Variants in CCDC28A observed in about 807,000 individuals in gnomAD.
The protein encoded by CCDC28A is coiled-coil domain containing 28A.
In CCDC28A, 24 loss-of-function variants were observed where a neutral mutation model predicts 22.1. The ratio of observed to expected loss-of-function variants is 1.09; its 90% CI spans 0.79 to 1.53. The LOEUF is 1.53. Among genes scored for constraint, CCDC28A ranks in the 40% most tolerant of loss-of-function variants. The pLI, the probability that CCDC28A is intolerant of heterozygous loss-of-function variation, is 0.00. For missense variants in CCDC28A, 170 were observed against 210.7 expected, an observed-to-expected ratio of 0.81 and a Z score of 1.20; for synonymous variants, 83 against 74.7, an observed-to-expected ratio of 1.11 and a Z score of -0.57.
At chr6:138,779,049 C>T (rs143501044) in intron 2 of CCDC28A, among the ~76,000 whole-genome samples, 261 of 152,180 alleles carry the variant, frequency 1.7e-3, no homozygotes, top group Admixed American at 0.013. Context: ...ATTATAGGCA[C>T]GAGCCACTGT....
At chr6:138,774,376 C>G in intron 1 of CCDC28A, among the ~76,000 whole-genome samples, 1 of 152,212 alleles carries the variant, frequency 6.6e-6, no homozygotes, top group East Asian at 1.9e-4. Context: ...TTTACAGATC[C>G]TTGCCTCTTC....
At chr6:138,773,998 C>A in intron 1 of CCDC28A, 96 bp downstream of exon 1, 1 of 1,433,866 alleles carries the variant, frequency 7.0e-7, no homozygotes, top group South Asian at 1.2e-5. Context: ...GAAGGGTCAT[C>A]GCTTCGGTAG....
intron 5 of CCDC28A, among the ~76,000 whole-genome samples, chr6:138,789,800 A>C (rs1775144187): frequency 6.6e-6 from 1 of 152,130 alleles, no homozygotes. Flanking sequence ...CATCCTGGGC[A>C]AAAGAAATCA....
At chr6:138,776,554 G>A (rs1774937060) in intron 2 of CCDC28A, among the ~76,000 whole-genome samples, 1 of 152,024 alleles carries the variant, frequency 6.6e-6, no homozygotes, top group Non-Finnish European at 1.5e-5. Flanking sequence ...AGTCAGAAAT[G>A]GGAAAAGTGA....
At chr6:138,781,037 A>G (rs1427297736) in intron 3 of CCDC28A, among the ~76,000 whole-genome samples, 1 of 152,012 alleles carries the variant, frequency 6.6e-6, no homozygotes, top group Non-Finnish European at 1.5e-5. Context: ...TGTTTTTGTT[A>G]CTTAACTTCC....
intron 2 of CCDC28A, among the ~76,000 whole-genome samples, chr6:138,777,124 CTTCT>C (rs1256451310): frequency 1.3e-5 from 2 of 152,162 alleles, no homozygotes; most frequent in Non-Finnish European, 2.9e-5. Flanking sequence ...TAATGTCAAT[CTTCT>C]TTCTAATTAT....
chr6:138,786,977 A>C (rs997299343), intron 4 of CCDC28A, among the ~76,000 whole-genome samples: 3 of 152,174 alleles, frequency 2.0e-5, no homozygotes, highest in African/African-American at 4.8e-5. Context: ...CTTGCTATAC[A>C]TTTAGGAGAA....
At chr6:138,789,431 G>T (rs142980130) in intron 5 of CCDC28A, among the ~76,000 whole-genome samples, 1 of 152,090 alleles carries the variant, frequency 6.6e-6, no homozygotes, top group African/African-American at 2.4e-5. Context: ...GTGATGATGC[G>T]TATGTGAAAA....
chr6:138,779,875 C>G lies in CCDC28A; in HGVS notation c.212C>G (p.Ser71Ter), dbSNP rs200885384. The change falls in exon 3 of 6, where the codon TCA becomes TGA. Residue 71 changes from serine (S) to a stop codon, truncating the protein, a stop_gained. Transcript: ENST00000617445. LOFTEE classifies it high-confidence loss of function. The part of the protein sequence containing the change: ...PQGGEGKGAQ[S>*]TPIQHSFLTD... ...GGTGGAGAGGGCAAAGGCGCTCAGT[C>G]AACTCCGATCCAGCACTCCTTCCTC... 204 of 1,613,662 alleles carry G rather than the reference C, an allele frequency of 1.3e-4. No homozygotes were observed. Among genetic ancestry groups the G allele is most frequent in the Non-Finnish European group, 1.6e-4 (188 of 1,179,730 alleles).
intron 3 of CCDC28A, among the ~76,000 whole-genome samples, chr6:138,784,507 T>C (rs1032175037): frequency 2.6e-5 from 4 of 151,938 alleles, no homozygotes; most frequent in Non-Finnish European, 4.4e-5. Flanking sequence ...TGCAGCACCA[T>C]GCCTAGTTAA....
At chr6:138,783,727 C>T (rs1042821160) in intron 3 of CCDC28A, among the ~76,000 whole-genome samples, 4 of 151,766 alleles carry the variant, frequency 2.6e-5, no homozygotes, top group Admixed American at 6.6e-5. Context: ...CGTGAGCCAC[C>T]GCGCCTGGCC....
intron 1 of CCDC28A, 23 bp downstream of exon 1, chr6:138,773,925 C>A (rs1184694663): frequency 6.2e-7 from 1 of 1,608,558 alleles, no homozygotes; most frequent in Admixed American, 1.7e-5. Context: ...AGCAAAGGAA[C>A]CTCCGCAACC....
intron 4 of CCDC28A, among the ~76,000 whole-genome samples, chr6:138,785,700 A>G (rs1775085525): frequency 6.6e-6 from 1 of 152,166 alleles, no homozygotes; most frequent in African/African-American, 2.4e-5. Flanking sequence ...AGTTTCATCC[A>G]TGTTGTAAAA....
chr6:138,789,246 AAAT>A (rs1281545055), intron 5 of CCDC28A, among the ~76,000 whole-genome samples: 2 of 152,214 alleles, frequency 1.3e-5, no homozygotes, highest in Non-Finnish European at 2.9e-5. Flanking sequence ...CCTGCCTATA[AAAT>A]AATTTAATTT....
Position 138,776,145 on chromosome 6 carries a change from A to C in CCDC28A, c.25A>C (p.Arg9=). 1.9e-6 allele frequency: 3 copies of C among 1,614,058 alleles called. No homozygotes were observed. The highest frequency in any genetic ancestry group is 2.5e-6 in the Non-Finnish European group (3 of 1,179,954). MEERKVKR[R]SPKSFSAHCT... is the part of the protein sequence containing the mutation. ...AATGGAAGAGCGGAAAGTGAAGAGG[A>C]GGAGTCCTAAGTCTTTTAGTGCCCA... is the stretch of plus-strand genomic sequence containing the variant. The change falls in exon 2 of 6, where the codon AGG becomes CGG. Residue 9 remains arginine (R), a synonymous_variant. Transcript: ENST00000617445.
At chr6:138,785,416 A>C in intron 4 of CCDC28A, 35 bp downstream of exon 4, 1 of 1,551,174 alleles carries the variant, frequency 6.4e-7, no homozygotes, top group East Asian at 2.3e-5. Context: ...TCTTTAAAAA[A>C]AAATTTTTGT....
intron 4 of CCDC28A, among the ~76,000 whole-genome samples, chr6:138,787,959 T>A (rs908952633): frequency 1.2e-5 from 1 of 82,874 alleles, no homozygotes; most frequent in African/African-American, 5.6e-5. Flanking sequence ...ACAGAAAGCT[T>A]TTTTTTTTTT....
chr6:138,783,996 A>G (rs1246661357), intron 3 of CCDC28A, among the ~76,000 whole-genome samples: 3 of 141,678 alleles, frequency 2.1e-5, no homozygotes, highest in Non-Finnish European at 3.1e-5. Flanking sequence ...TCCCACCTCA[A>G]CCTCCCAAGT....
intron 4 of CCDC28A, among the ~76,000 whole-genome samples, chr6:138,787,454 T>C (rs1425815033): frequency 6.6e-6 from 1 of 152,180 alleles, no homozygotes; most frequent in Non-Finnish European, 1.5e-5. Context: ...GCCACCAGTT[T>C]ATGGTGTTTG....
Sources: gnomAD v4.1 joint callset for allele counts (sites outside exome capture counted in the v4.1 genomes callset) on GRCh38, gnomAD v4.1.1 for gene constraint, MANE v1.5 for transcripts, NCBI Gene and HGNC (gene_info 2026-07-23, HGNC 2026-07-21) for gene names.